The following CSMD3 variants were observed in gnomAD, a reference collection of about 807,000 sequenced individuals.
The protein encoded by CSMD3 is CUB and Sushi multiple domains 3, also known as CUB and sushi domain-containing protein 3.
Under a neutral mutation model 435.2 loss-of-function variants are expected in CSMD3, and 177 were observed. That is an observed-to-expected ratio of 0.41 (90% CI 0.36 to 0.46). The LOEUF is 0.46. Among genes scored for constraint, CSMD3 ranks in the 20% least tolerant of loss-of-function variants. The pLI is 0.34. For missense variants in CSMD3, 4,265 were observed against 4,504.6 expected, an observed-to-expected ratio of 0.95 and a Z score of 1.52; for synonymous variants, 1,656 against 1,520.5, an observed-to-expected ratio of 1.09 and a Z score of -2.07.
intron 4 of CSMD3, among the ~76,000 whole-genome samples, chr8:113,105,956 A>G (rs2090462584): frequency 6.6e-6 from 1 of 152,184 alleles, no homozygotes. Flanking sequence ...CATTAGAAAC[A>G]GACCAAAACA....
intron 5 of CSMD3, among the ~76,000 whole-genome samples, chr8:113,024,486 TG>T (rs2086800544): frequency 6.6e-6 from 1 of 152,204 alleles, no homozygotes; most frequent in African/African-American, 2.4e-5. Context: ...GTAGTATTGC[TG>T]GGTCATATGG....
chr8:113,273,199 A>T (rs964438205), intron 3 of CSMD3, among the ~76,000 whole-genome samples: 13 of 151,990 alleles, frequency 8.6e-5, no homozygotes, highest in African/African-American at 3.1e-4. Context: ...GATTATTGAG[A>T]TCCCACTCAT....
chr8:112,921,952 G>C (rs997508040), intron 9 of CSMD3, among the ~76,000 whole-genome samples: 1 of 152,040 alleles, frequency 6.6e-6, no homozygotes, highest in Non-Finnish European at 1.5e-5. Flanking sequence ...GATGTAGAAC[G>C]AAGGTCAAAT....
At position 113,320,030 on chromosome 8, in the gene CSMD3, G is replaced by C. The variant is rs147387246; in HGVS notation, c.179-5237C>G. 2.8e-3 allele frequency among the ~76,000 whole-genome samples: 433 copies of C among 152,098 alleles called. 2 individuals are homozygous for C. The highest frequency in any genetic ancestry group is 9.7e-3 in the African/African-American group (403 of 41,530). On this transcript the variant is annotated intron_variant, in intron 1 of 70. Transcript: ENST00000297405. ...CATTGTCCAAGCTCATCTTCTGGGA[G>C]CTGACAATCTAAAACATGAGATAGC...
At chr8:113,422,404 C>T (rs992693168) in intron 1 of CSMD3, among the ~76,000 whole-genome samples, 9 of 152,134 alleles carry the variant, frequency 5.9e-5, no homozygotes, top group Non-Finnish European at 7.4e-5. Flanking sequence ...TTGCTGATCT[C>T]GCAAAGATCA....
intron 1 of CSMD3, among the ~76,000 whole-genome samples, chr8:113,341,250 C>A (rs981653847): frequency 6.6e-6 from 1 of 152,158 alleles, no homozygotes; most frequent in African/African-American, 2.4e-5. Context: ...TTTTAATATA[C>A]AATACCTTGC....
At chr8:113,370,465 G>C (rs1004773735) in intron 1 of CSMD3, among the ~76,000 whole-genome samples, 11 of 151,132 alleles carry the variant, frequency 7.3e-5, no homozygotes, top group African/African-American at 2.4e-5. Flanking sequence ...TGTTACTGAA[G>C]CTTAACTTCA....
intron 27 of CSMD3, among the ~76,000 whole-genome samples, chr8:112,538,201 T>A (rs1826322831): frequency 1.3e-5 from 2 of 151,932 alleles, no homozygotes; most frequent in Non-Finnish European, 2.9e-5. Context: ...TATCTAAAAA[T>A]AACAAAGGCC....
chr8:112,595,811 A>G (rs1279416936), intron 22 of CSMD3, among the ~76,000 whole-genome samples: 7 of 110,552 alleles, frequency 6.3e-5, no homozygotes, highest in South Asian at 5.9e-4. Context: ...AGACAAGCAA[A>G]TGCTGACCGA....
At chr8:113,202,501 T>C (rs1235132130) in intron 3 of CSMD3, among the ~76,000 whole-genome samples, 1 of 152,144 alleles carries the variant, frequency 6.6e-6, no homozygotes, top group Non-Finnish European at 1.5e-5. Flanking sequence ...GATACTCCTT[T>C]GAAGTATTTC....
intron 47 of CSMD3, 42 bp downstream of exon 47, chr8:112,318,795 C>T (rs757113476): frequency 1.1e-5 from 15 of 1,327,838 alleles, no homozygotes; most frequent in Admixed American, 1.7e-5. Flanking sequence ...AAACATAAAG[C>T]AAATATTTAA....
At chr8:112,919,322 G>A (rs1483767705) in intron 10 of CSMD3, among the ~76,000 whole-genome samples, 1 of 151,694 alleles carries the variant, frequency 6.6e-6, no homozygotes, top group Non-Finnish European at 1.5e-5. Flanking sequence ...CAAGTCAGTA[G>A]AGAGCTGCTC....
chr8:112,321,809 G>A (rs937478490), intron 45 of CSMD3, among the ~76,000 whole-genome samples: 7 of 152,138 alleles, frequency 4.6e-5, no homozygotes, highest in East Asian at 3.8e-4. Flanking sequence ...GTACAGAAGG[G>A]TTACTGCTAG....
chr8:113,227,297 G>T (rs1295112309), intron 3 of CSMD3, among the ~76,000 whole-genome samples: 3 of 151,412 alleles, frequency 2.0e-5, no homozygotes, highest in Non-Finnish European at 4.4e-5. Context: ...AAGGTTGTGG[G>T]GTCTGTCCAT....
At chr8:112,495,273 G>A (rs1821223510) in intron 30 of CSMD3, among the ~76,000 whole-genome samples, 1 of 152,160 alleles carries the variant, frequency 6.6e-6, no homozygotes, top group African/African-American at 2.4e-5. Context: ...GAGGGTAGAG[G>A]AAGGATTTAA....
chr8:112,339,756 A>G (rs1824923854), intron 42 of CSMD3, among the ~76,000 whole-genome samples: 1 of 152,192 alleles, frequency 6.6e-6, no homozygotes, highest in African/African-American at 2.4e-5. Flanking sequence ...AAATTTAACC[A>G]CAAAATCAAT....
At chr8:113,279,292 G>T (rs921294313) in intron 2 of CSMD3, among the ~76,000 whole-genome samples, 1 of 147,744 alleles carries the variant, frequency 6.8e-6, no homozygotes, top group African/African-American at 2.5e-5. Context: ...GAAGAGCCAG[G>T]TCTAAGACTA....
At chr8:112,713,834 A>C (rs2076665205) in intron 13 of CSMD3, among the ~76,000 whole-genome samples, 1 of 152,148 alleles carries the variant, frequency 6.6e-6, no homozygotes, top group African/African-American at 2.4e-5. Flanking sequence ...AAGCTTCATA[A>C]GGGAAGGAGA....
At position 112,336,787 on chromosome 8, in the gene CSMD3, T is replaced by C. The variant is rs781360142; in HGVS notation, c.6884A>G (p.Tyr2295Cys). 6.2e-7 allele frequency: 1 copy of C among 1,613,598 alleles called. No individual in the cohort carries two copies. Among genetic ancestry groups the C allele is most frequent in the Non-Finnish European group, 8.5e-7 (1 of 1,179,650 alleles). ...GNITAMNGTI[Y>C]SPGYPDEYPN... is the part of the protein sequence containing the mutation. ...ATATTCATCAGGATACCCAGGAGAA[T>C]AAATGGTGCCATTCATTGCAGTTAT... The change falls in exon 44 of 71, where the codon TAT (tyrosine) becomes TGT (cysteine). Residue 2295 changes from tyrosine to cysteine, a missense_variant. Tyr to Cys is a radical substitution (Grantham distance 194, BLOSUM62 -2). Transcript: ENST00000297405.
Sources: allele counts gnomAD v4.1 joint callset (sites outside exome capture counted in the v4.1 genomes callset), GRCh38; gene constraint gnomAD v4.1.1; transcripts MANE v1.5; gene names NCBI Gene and HGNC (gene_info 2026-07-23, HGNC 2026-07-21).